SPMIP11: variants seen among roughly 807,000 people sequenced by gnomAD.
SPMIP11 encodes the protein long intergenic non-protein coding RNA 935.
the SPMIP11 span, among the ~76,000 whole-genome samples, chr12:48,747,154 T>A: frequency 2.6e-5 from 4 of 152,154 alleles, no homozygotes; most frequent in Admixed American, 2.6e-4. Context: ...TTTTTAACTT[T>A]TATTTTTTAT....
At chr12:48,740,179 G>A in the SPMIP11 span, among the ~76,000 whole-genome samples, 1 of 152,112 alleles carries the variant, frequency 6.6e-6, no homozygotes, top group African/African-American at 2.4e-5. Flanking sequence ...TCTTGCTAAT[G>A]TAACTTCAAA....
the SPMIP11 span, chr12:48,768,602 G>C: frequency 1.9e-6 from 3 of 1,614,058 alleles, no homozygotes; most frequent in Non-Finnish European, 2.5e-6. Flanking sequence ...TAACTGCTGG[G>C]GCCCCCATTG....
At chr12:48,756,023 C>T in the SPMIP11 span, among the ~76,000 whole-genome samples, 1 of 151,360 alleles carries the variant, frequency 6.6e-6, no homozygotes, top group South Asian at 2.1e-4. Context: ...GACTACAGGC[C>T]CCTGCCACCA....
At chr12:48,727,549 T>G in the SPMIP11 span, 1 of 702,816 alleles carries the variant, frequency 1.4e-6, no homozygotes, top group African/African-American at 1.7e-5. Context: ...GGAACACAAC[T>G]GAAGAAACAA....
At chr12:48,770,337 A>C in the SPMIP11 span, among the ~76,000 whole-genome samples, 32,009 of 152,098 alleles carry the variant, frequency 0.21, 4,653 homozygotes, top group African/African-American at 0.42. Context: ...ATTCAAACCA[A>C]ATAGTCCATC....
the SPMIP11 span, among the ~76,000 whole-genome samples, chr12:48,749,613 C>A: frequency 3.9e-5 from 4 of 101,320 alleles, no homozygotes; most frequent in African/African-American, 4.1e-5. Flanking sequence ...CCAGCCTGGG[C>A]AACAAGAGTG....
chr12:48,757,988 C>T, the SPMIP11 span, among the ~76,000 whole-genome samples: 3 of 151,368 alleles, frequency 2.0e-5, no homozygotes, highest in African/African-American at 7.3e-5. Context: ...AGCAAGACTC[C>T]ATCTTAAAAA....
the SPMIP11 span, among the ~76,000 whole-genome samples, chr12:48,738,013 C>A: frequency 6.6e-6 from 1 of 151,618 alleles, no homozygotes; most frequent in Admixed American, 6.6e-5. Flanking sequence ...TTAGTACAAA[C>A]GGAGTCTCCC....
At chr12:48,763,340 A>AT in the SPMIP11 span, among the ~76,000 whole-genome samples, 1 of 151,926 alleles carries the variant, frequency 6.6e-6, no homozygotes, top group African/African-American at 2.4e-5. Context: ...CACTGGGCTA[A>AT]TTTTTGTATT....
At chr12:48,767,721 C>G in the SPMIP11 span, 1 of 152,628 alleles carries the variant, frequency 6.6e-6, no homozygotes, top group Non-Finnish European at 1.5e-5. Context: ...GCAGAGTGAC[C>G]TGATCTGGAC....
At chr12:48,768,476 T>G in the SPMIP11 span, 1 of 1,473,764 alleles carries the variant, frequency 6.8e-7, no homozygotes, top group East Asian at 2.3e-5. Flanking sequence ...TGTTCCCTTT[T>G]GTGGTTAGCA....
the SPMIP11 span, among the ~76,000 whole-genome samples, chr12:48,727,747 T>A: frequency 1.3e-5 from 2 of 152,324 alleles, no homozygotes; most frequent in South Asian, 4.1e-4. Context: ...TCATTTAATA[T>A]CCTTATTAAG....
chr12:48,759,436 C>T, the SPMIP11 span: 1 of 637,620 alleles, frequency 1.6e-6, no homozygotes, highest in Non-Finnish European at 2.9e-6. Flanking sequence ...TGTCTGTAAT[C>T]CTAGCACTTT....
chr12:48,761,118 T>C, the SPMIP11 span, among the ~76,000 whole-genome samples: 1 of 152,116 alleles, frequency 6.6e-6, no homozygotes, highest in African/African-American at 2.4e-5. Context: ...TTAAAAAGCA[T>C]GTAGCCAGCC....
At chr12:48,738,200 G>C in the SPMIP11 span, among the ~76,000 whole-genome samples, 95 of 152,170 alleles carry the variant, frequency 6.2e-4, no homozygotes, top group African/African-American at 2.1e-3. Flanking sequence ...TTGCAACCTT[G>C]TGTTATTTAG....
chr12:48,763,135 A>G, the SPMIP11 span, among the ~76,000 whole-genome samples: 2 of 152,230 alleles, frequency 1.3e-5, no homozygotes, highest in East Asian at 3.8e-4. Context: ...AAAGAGGGGT[A>G]GTAAGTTATT....
the SPMIP11 span, among the ~76,000 whole-genome samples, chr12:48,741,700 G>C: frequency 6.7e-6 from 1 of 149,530 alleles, no homozygotes; most frequent in African/African-American, 2.5e-5. Context: ...CTTGAGTGCA[G>C]TGGCACAATC....
the SPMIP11 span, among the ~76,000 whole-genome samples, chr12:48,754,021 G>A: frequency 6.6e-6 from 1 of 151,464 alleles, no homozygotes; most frequent in Non-Finnish European, 1.5e-5. Flanking sequence ...AGGAGCATAA[G>A]TGGCACAATT....
chr12:48,762,356 C>CATT, the SPMIP11 span, among the ~76,000 whole-genome samples: 1 of 61,222 alleles, frequency 1.6e-5, no homozygotes, highest in African/African-American at 9.8e-5. Flanking sequence ...CCCCGCCCAG[C>CATT]TTTTTTTTTT....
Sources: allele counts gnomAD v4.1 joint callset (sites outside exome capture counted in the v4.1 genomes callset), GRCh38; gene constraint gnomAD v4.1.1; transcripts MANE v1.5; gene names NCBI Gene and HGNC (gene_info 2026-07-23, HGNC 2026-07-21).